PAQR5: variants seen among roughly 807,000 people sequenced by gnomAD.
The protein encoded by PAQR5 is progestin and adipoQ receptor family member 5, also known as membrane progestin receptor gamma.
Under a neutral mutation model 34.5 loss-of-function variants are expected in PAQR5, and 20 were observed. That is an observed-to-expected ratio of 0.58 (90% CI 0.41 to 0.84). The LOEUF (loss-of-function observed/expected upper bound fraction) is 0.84. PAQR5 is among the 40% of genes least tolerant of loss of function. PAQR5 has a pLI of 0.00. For synonymous variants in PAQR5, 131 were observed against 155.6 expected (o/e 0.84, Z 1.18); for missense variants, 378 against 412.7 (o/e 0.92, Z 0.73).
At chr15:69,315,477 C>T (rs1053651181) in intron 1 of PAQR5, among the ~76,000 whole-genome samples, 2 of 152,172 alleles carry the variant, frequency 1.3e-5, no homozygotes. Context: ...GGGGAAATCT[C>T]CAGTCTCAAG....
At chr15:69,302,379 G>A (rs1456543894) in intron 1 of PAQR5, among the ~76,000 whole-genome samples, 2 of 151,898 alleles carry the variant, frequency 1.3e-5, no homozygotes, top group Non-Finnish European at 2.9e-5. Context: ...AGCCAGAAAT[G>A]GGGACTTTCA....
rs1400176575 is a variant in PAQR5, at chr15:69,382,599, C to T, written c.180-2078C>T. ...GGCAGAGGTTGCAGAGAGCCGAGATCGTGCCACTGCACTCCAGCCTGGTGA... is the reference window on the plus strand; with the variant it reads ...GGCAGAGGTTGCAGAGAGCCGAGATTGTGCCACTGCACTCCAGCCTGGTGA... On this transcript the variant is annotated intron_variant, in intron 4 of 8. Transcript: ENST00000395407. Among the ~76,000 whole-genome samples, 15 of 139,874 alleles carry T rather than the reference C, an allele frequency of 1.1e-4. No homozygotes were observed. In the East Asian group the frequency reaches 1.7e-3, roughly 16 times the overall value. The allele number at this position is 139,874 out of a possible 152,430, so 91.8% of individuals were successfully genotyped here. A position where few individuals can be genotyped will look rare whatever the true frequency, so the allele number is the denominator to read the frequency against.
rs781315096 is a variant in PAQR5, at chr15:69,379,888, C to T, written c.57C>T (p.Phe19=). The change falls in exon 4 of 9, where the codon TTC becomes TTT. Residue 19 remains phenylalanine, a synonymous_variant. Transcript: ENST00000395407. ...CTTTTCCTTTGCCTCTGCAGGTGTT[C>T]CATGAGCAAGGCATCCTGTTCGGCT... ...LFSIDQIPQV[F]HEQGILFGYR... is the part of the protein sequence containing the mutation. 3.1e-6 allele frequency: 5 copies of T among 1,613,584 alleles called. No individual in the cohort carries two copies. The highest frequency in any genetic ancestry group is 1.3e-5 in the African/African-American group (1 of 74,940).
rs189897841 is a variant in PAQR5, at chr15:69,320,919, A to T, written c.-276-16422A>T. ...CCTGACTCTACCCTAGTTGGGGAATAGTGAGAAGATATATTTGTGTGATAT... is the reference window on the plus strand; with the variant it reads ...CCTGACTCTACCCTAGTTGGGGAATTGTGAGAAGATATATTTGTGTGATAT... On this transcript the variant is annotated intron_variant, in intron 1 of 8. Transcript: ENST00000395407. 1.4e-3 allele frequency among the ~76,000 whole-genome samples: 216 copies of T among 152,340 alleles called. 2 individuals carry two copies. The highest frequency in any genetic ancestry group is 0.01 in the Admixed American group (157 of 15,288).
chr15:69,308,200 C>T lies in PAQR5; in HGVS notation c.-277+9144C>T, dbSNP rs184718563. On this transcript the variant is annotated intron_variant, in intron 1 of 8. Transcript: ENST00000395407. The stretch of plus-strand genomic sequence containing the variant: ...CCTGGGCATGTCATATCAATCCACA[C>T]ATTCTCACTGCCAAGCTCGAGGCTG... Among the ~76,000 whole-genome samples the T allele has an allele frequency of 5.9e-5, 9 of 152,332 alleles. No homozygotes were observed. In the East Asian group the frequency reaches 1.7e-3, roughly 29 times the overall value.
chr15:69,303,958 T>C (rs1234467917), intron 1 of PAQR5, among the ~76,000 whole-genome samples: 1 of 152,188 alleles, frequency 6.6e-6, no homozygotes, highest in African/African-American at 2.4e-5. Flanking sequence ...AGGGTTAGAA[T>C]GCACCTGAAC....
chr15:69,317,013 T>TTTCA (rs1382620564), intron 1 of PAQR5, among the ~76,000 whole-genome samples: 3 of 152,060 alleles, frequency 2.0e-5, no homozygotes, highest in Non-Finnish European at 4.4e-5. Flanking sequence ...AGAGATGGGG[T>TTTCA]TTCACCATGT....
intron 2 of PAQR5, among the ~76,000 whole-genome samples, chr15:69,339,178 C>A (rs2054582373): frequency 7.2e-6 from 1 of 139,642 alleles, no homozygotes; most frequent in South Asian, 2.5e-4. Context: ...ACACCCCCCA[C>A]CCCGCCACCA....
chr15:69,339,116 C>T (rs924539318), intron 2 of PAQR5, among the ~76,000 whole-genome samples: 4 of 151,464 alleles, frequency 2.6e-5, no homozygotes, highest in African/African-American at 4.8e-5. Flanking sequence ...AAGACAGGTT[C>T]GACTCCCTAT....
rs144102410 is a variant in PAQR5 at position 69,386,852 on chromosome 15, G to A, written c.385+1970G>A. 1.9e-3 allele frequency among the ~76,000 whole-genome samples: 290 copies of A among 152,022 alleles called. 1 individual carries two copies. The highest frequency in any genetic ancestry group is 6.6e-3 in the African/African-American group (275 of 41,480). ...TGAGACCAGAACTGTACCTGCTCCCGCCCCTGCCCCTACACCTGCTAGCCC... is the reference window on the plus strand; with the variant it reads ...TGAGACCAGAACTGTACCTGCTCCCACCCCTGCCCCTACACCTGCTAGCCC... On this transcript the variant is annotated intron_variant, in intron 5 of 8. Coordinates refer to ENST00000395407, the MANE Select transcript of PAQR5 (RefSeq NM_017705.4).
rs1387911348 is a variant in PAQR5 at position 69,320,740 on chromosome 15, A to G, written c.-276-16601A>G. 2.0e-5 allele frequency among the ~76,000 whole-genome samples: 3 copies of G among 152,242 alleles called. 1 individual carries two copies. Among genetic ancestry groups the G allele is most frequent in the African/African-American group, 7.2e-5 (3 of 41,544 alleles). On this transcript the variant is annotated intron_variant, in intron 1 of 8. Coordinates refer to ENST00000395407, the MANE Select transcript of PAQR5 (RefSeq NM_017705.4). ...ATATTCAAAACATTAAAACCTATCC[A>G]CCTCAAAACCTCAAAATTCAGTCAT...
At chr15:69,303,050 C>A (rs545429647) in intron 1 of PAQR5, among the ~76,000 whole-genome samples, 1 of 152,276 alleles carries the variant, frequency 6.6e-6, no homozygotes, top group African/African-American at 2.4e-5. Context: ...TCTGTGAGGG[C>A]AAAGCCTTTT....
chr15:69,397,635 G>T (rs1365770178), intron 7 of PAQR5, 71 bp downstream of exon 7: 1 of 1,032,040 alleles, frequency 9.7e-7, no homozygotes, highest in Non-Finnish European at 1.5e-6. Flanking sequence ...CTGAGCTTCT[G>T]GGGGGTCACA....
chr15:69,375,560 GT>G (rs2055683885), intron 3 of PAQR5, among the ~76,000 whole-genome samples: 1 of 152,314 alleles, frequency 6.6e-6, no homozygotes, highest in Non-Finnish European at 1.5e-5. Flanking sequence ...GGCGATAAGG[GT>G]TTTATCTCTC....
chr15:69,357,051 C>T (rs1362871319), intron 2 of PAQR5, among the ~76,000 whole-genome samples: 1 of 151,848 alleles, frequency 6.6e-6, no homozygotes, highest in Non-Finnish European at 1.5e-5. Flanking sequence ...ATCTCCCCAC[C>T]CACTGTCTCT....
chr15:69,378,723 A>G (rs892839115), intron 3 of PAQR5, among the ~76,000 whole-genome samples: 3 of 152,168 alleles, frequency 2.0e-5, no homozygotes, highest in African/African-American at 7.2e-5. Flanking sequence ...TTCAAAGGGT[A>G]TGGCAACATT....
At chr15:69,353,100 G>A (rs1415133401) in intron 2 of PAQR5, among the ~76,000 whole-genome samples, 4 of 152,200 alleles carry the variant, frequency 2.6e-5, no homozygotes, top group East Asian at 1.9e-4. Flanking sequence ...CACTGGCTCA[G>A]CAACATTGAC....
At chr15:69,358,109 GAT>G (rs984695118) in intron 2 of PAQR5, among the ~76,000 whole-genome samples, 4 of 152,202 alleles carry the variant, frequency 2.6e-5, no homozygotes, top group African/African-American at 9.6e-5. Flanking sequence ...GCCCAGTGAT[GAT>G]AGGGGTAAAG....
intron 2 of PAQR5, among the ~76,000 whole-genome samples, chr15:69,348,249 C>A (rs990950676): frequency 6.6e-6 from 1 of 152,164 alleles, no homozygotes; most frequent in Non-Finnish European, 1.5e-5. Context: ...TGAACCCTTA[C>A]TTTTATGGCA....
Sources: gnomAD v4.1 joint callset for allele counts (sites outside exome capture counted in the v4.1 genomes callset) on GRCh38, gnomAD v4.1.1 for gene constraint, MANE v1.5 for transcripts, NCBI Gene and HGNC (gene_info 2026-07-23, HGNC 2026-07-21) for gene names.